The following CAPRIN1 variants were observed in gnomAD, a reference collection of about 807,000 sequenced individuals.
CAPRIN1 encodes the protein caprin-1.
A neutral mutation model predicts 100.9 loss-of-function variants in CAPRIN1; 29 were observed. The observed-to-expected ratio is 0.29, with a 90% CI of 0.21 to 0.39. The LOEUF (loss-of-function observed/expected upper bound fraction) is 0.39. Ranked by LOEUF, CAPRIN1 falls within the 10% of genes least tolerant of loss-of-function variation. The pLI, the probability that CAPRIN1 is intolerant of heterozygous loss-of-function variation, is 1.00. For synonymous variants in CAPRIN1, 338 were observed against 307.5 expected (o/e 1.10, Z -1.04); for missense variants, 795 against 876.7 (o/e 0.91, Z 1.18).
intron 12 of CAPRIN1, 35 bp from the exon 13 acceptor site, chr11:34,090,141 AAGC>A: frequency 7.4e-7 from 1 of 1,345,342 alleles, no homozygotes; most frequent in African/African-American, 1.4e-5. Context: ...TCAATTTTGT[AAGC>A]AGGAAGAAGC....
rs754095952 is a variant in CAPRIN1 at position 34,097,295 on chromosome 11, G to A, written c.2000G>A (p.Arg667Gln). ...SAPRDYSGYQ[R>Q]DGYQQNFKRG... ...CCCCGGGATTACTCTGGCTATCAAC[G>A]GGTAGGTAAAGTAGTTCTAAAGTGT... Residue 667 changes from arginine to glutamine, a missense_variant and splice_region_variant, in exon 17 of 19, where the codon CGG becomes CAG. Transcript: ENST00000341394. The A allele has an allele frequency of 1.2e-6, 2 of 1,602,926 alleles. No individual in the cohort carries two copies. Among genetic ancestry groups the A allele is most frequent in the Admixed American group, 1.7e-5 (1 of 59,998 alleles).
At chr11:34,054,740 A>G (rs1051000429) in intron 2 of CAPRIN1, among the ~76,000 whole-genome samples, 4 of 152,154 alleles carry the variant, frequency 2.6e-5, no homozygotes, top group African/African-American at 4.8e-5. Flanking sequence ...TAAAATTTTA[A>G]TGCAGTAAGC....
In CAPRIN1 at chr11:34,096,613, G is replaced by A; in HGVS notation, c.1840G>A (p.Gly614Ser). ...YYNSRGVSRG[G>S]SRGARGLMNG... The stretch of plus-strand genomic sequence containing the variant: ...CAATAGTCGTGGTGTGTCTCGTGGA[G>A]GCTCCCGTGGTGCTAGAGGCTTGAT... Residue 614 changes from glycine (G) to serine (S), a missense_variant, in exon 16 of 19, where the codon GGC becomes AGC. By Grantham distance (56) the Gly-to-Ser change is moderately conservative. Transcript: ENST00000341394. 1.2e-6 allele frequency: 2 copies of A among 1,613,610 alleles called. No homozygotes were observed. The highest frequency in any genetic ancestry group is 1.7e-6 in the Non-Finnish European group (2 of 1,179,630).
chr11:34,073,452 TTTTG>T (rs951422951), intron 4 of CAPRIN1, among the ~76,000 whole-genome samples: 7 of 152,298 alleles, frequency 4.6e-5, no homozygotes, highest in African/African-American at 1.4e-4. Flanking sequence ...ACTTAATCAT[TTTTG>T]TTTGTTTGTC....
At chr11:34,076,725 G>T in intron 6 of CAPRIN1, 83 bp downstream of exon 6, 73 of 850,600 alleles carry the variant, frequency 8.6e-5, no homozygotes, top group Middle Eastern at 2.6e-4. Context: ...TCACTTGGAA[G>T]AAAAAAATTA....
Position 34,086,119 on chromosome 11 carries a change from C to G in CAPRIN1, c.1022C>G (p.Pro341Arg). The G allele has an allele frequency of 6.2e-7, 1 of 1,614,050 alleles. No individual in the cohort carries two copies. Among genetic ancestry groups the G allele is most frequent in the Non-Finnish European group, 8.5e-7 (1 of 1,179,990 alleles). ...GCTGCATCCCCTTCAGTACCAGAGCCCCACTCTTTGACTCCAGTGGCTCAG... is the reference window on the plus strand; with the variant it reads ...GCTGCATCCCCTTCAGTACCAGAGCGCCACTCTTTGACTCCAGTGGCTCAG... ...PQAASPSVPEPHSLTPVAQAD... is the reference protein window; with the variant it reads ...PQAASPSVPERHSLTPVAQAD... The change falls in exon 10 of 19, where the codon CCC (proline) becomes CGC (arginine). Residue 341 changes from proline to arginine, a missense_variant. Coordinates refer to ENST00000341394, the MANE Select transcript of CAPRIN1 (RefSeq NM_005898.5).
At chr11:34,068,028 A>G (rs998007768) in intron 2 of CAPRIN1, among the ~76,000 whole-genome samples, 11 of 152,200 alleles carry the variant, frequency 7.2e-5, no homozygotes, top group Non-Finnish European at 1.5e-4. Flanking sequence ...CCTGTCAGGG[A>G]TTCAGACAGG....
rs560506305 is a variant in CAPRIN1 at position 34,053,249 on chromosome 11, T to A, written c.216+613T>A. The A allele has an allele frequency of 1.2e-3, 785 of 631,738 alleles. 3 individuals carry two copies. The highest frequency in any genetic ancestry group is 1.5e-3 in the Non-Finnish European group (758 of 506,588). The allele number at this position is 631,738 out of a possible 1,614,324, so 39.1% of individuals were successfully genotyped here. A position where few individuals can be genotyped will look rare whatever the true frequency, so the allele number is the denominator to read the frequency against. ...CTTCGATTTGCTACCCCCGCGCCCA[T>A]GCGATGGGCTCCCCTGCGTTTCCCT... On this transcript the variant is annotated intron_variant, in intron 2 of 18. Coordinates refer to ENST00000341394, the MANE Select transcript of CAPRIN1 (RefSeq NM_005898.5).
At position 34,099,647 on chromosome 11, in the gene CAPRIN1, C is replaced by G; in HGVS notation, c.*280C>G. ...CCTTGCTTAGGAGTAAAACAATATACTTTACAGGGTGATAATAATCTCCAT... is the reference window on the plus strand; with the variant it reads ...CCTTGCTTAGGAGTAAAACAATATAGTTTACAGGGTGATAATAATCTCCAT... On this transcript the variant is annotated 3_prime_UTR_variant, in exon 19 of 19. Coordinates refer to ENST00000341394, the MANE Select transcript of CAPRIN1 (RefSeq NM_005898.5). The G allele has an allele frequency of 2.6e-6, 1 of 380,532 alleles. No individual in the cohort carries two copies. The highest frequency in any genetic ancestry group is 4.7e-6 in the Non-Finnish European group (1 of 211,096). The allele number at this position is 380,532 out of a possible 1,614,324, so 23.6% of individuals were successfully genotyped here. A position where few individuals can be genotyped will look rare whatever the true frequency, so the allele number is the denominator to read the frequency against.
intron 17 of CAPRIN1, among the ~76,000 whole-genome samples, 176 bp downstream of exon 17, chr11:34,097,472 T>A (rs1291131905): frequency 6.6e-6 from 1 of 152,340 alleles, no homozygotes; most frequent in Middle Eastern, 3.4e-3. Context: ...TAGTAAAGCC[T>A]GTTAAAGACA....
intron 2 of CAPRIN1, among the ~76,000 whole-genome samples, chr11:34,064,037 G>A (rs1004925515): frequency 1.3e-5 from 2 of 152,112 alleles, no homozygotes; most frequent in African/African-American, 2.4e-5. Context: ...CAGAGTGCTG[G>A]GATTACAGGT....
At chr11:34,094,729 C>G (rs539153098) in intron 15 of CAPRIN1, among the ~76,000 whole-genome samples, 82 of 152,284 alleles carry the variant, frequency 5.4e-4, no homozygotes, top group Non-Finnish European at 7.1e-4. Context: ...CCCAGGAGTT[C>G]AAGGTTGCAG....
chr11:34,056,500 C>T (rs1003179021), intron 2 of CAPRIN1: 1 of 152,180 alleles, frequency 6.6e-6, no homozygotes, highest in East Asian at 1.9e-4. Context: ...ATAAAGAGTA[C>T]ATGAATGTTT....
chr11:34,060,599 T>A (rs1411048399), intron 2 of CAPRIN1, among the ~76,000 whole-genome samples: 2 of 152,208 alleles, frequency 1.3e-5, no homozygotes, highest in East Asian at 1.9e-4. Context: ...ACATTGAACT[T>A]CTTTTTACAT....
At chr11:34,061,369 G>A (rs1850576510) in intron 2 of CAPRIN1, among the ~76,000 whole-genome samples, 1 of 151,616 alleles carries the variant, frequency 6.6e-6, no homozygotes, top group Non-Finnish European at 1.5e-5. Flanking sequence ...ACCGCACCCG[G>A]CTAATTTTCT....
At position 34,099,500 on chromosome 11, in the gene CAPRIN1, T is replaced by C; in HGVS notation, c.*133T>C. The stretch of plus-strand genomic sequence containing the variant: ...TTGTAAAGGGACTGTTTTCATCCCA[T>C]AAAGACAGGACTACAATTGTCAGCT... On this transcript the variant is annotated 3_prime_UTR_variant, in exon 19 of 19. Coordinates refer to ENST00000341394, the MANE Select transcript of CAPRIN1 (RefSeq NM_005898.5). The C allele has an allele frequency of 1.4e-6, 1 of 729,590 alleles. No individual in the cohort carries two copies. The highest frequency in any genetic ancestry group is 2.4e-6 in the Non-Finnish European group (1 of 420,610). The allele number at this position is 729,590 out of a possible 1,614,324, so 45.2% of individuals were successfully genotyped here. A position where few individuals can be genotyped will look rare whatever the true frequency, so the allele number is the denominator to read the frequency against.
intron 6 of CAPRIN1, among the ~76,000 whole-genome samples, chr11:34,077,419 T>G (rs1205648151): frequency 6.6e-6 from 1 of 152,222 alleles, no homozygotes; most frequent in African/African-American, 2.4e-5. Context: ...AATTTGAGGA[T>G]GTTAATTTTT....
At chr11:34,062,624 CAAAAAAAAA>C (rs36059851) in intron 2 of CAPRIN1, among the ~76,000 whole-genome samples, 1 of 100,602 alleles carries the variant, frequency 9.9e-6, no homozygotes, top group African/African-American at 3.6e-5. Context: ...AACTCCGTCT[CAAAAAAAAA>C]AAAAAAAAAG....
At chr11:34,073,851 T>C (rs182044367) in intron 4 of CAPRIN1, among the ~76,000 whole-genome samples, 161 of 152,342 alleles carry the variant, frequency 1.1e-3, no homozygotes, top group African/African-American at 3.8e-3. Flanking sequence ...TATAATGGAA[T>C]GCCTGAGACC....
Sources: gnomAD v4.1 joint callset for allele counts (sites outside exome capture counted in the v4.1 genomes callset) on GRCh38, gnomAD v4.1.1 for gene constraint, MANE v1.5 for transcripts, NCBI Gene and HGNC (gene_info 2026-07-23, HGNC 2026-07-21) for gene names.